The following DENND3 variants were observed in gnomAD, a reference collection of about 807,000 sequenced individuals.
DENND3 encodes the protein DENN domain-containing protein 3.
DENND3 carries 88 observed loss-of-function variants against 135.1 expected under a neutral mutation model. The observed-to-expected ratio is 0.65, with a 90% confidence interval of 0.55 to 0.78. The LOEUF is 0.78. Among genes scored for constraint, DENND3 ranks in the 30% least tolerant of loss-of-function variants. DENND3 has a pLI of 0.00. For missense variants in DENND3, 1,392 were observed against 1,688.4 expected, an observed-to-expected ratio of 0.82 and a Z score of 3.08; for synonymous variants, 693 against 712.3, an observed-to-expected ratio of 0.97 and a Z score of 0.43.
chr8:141,188,277 C>G (rs1380017256), intron 18 of DENND3: 1 of 152,214 alleles, frequency 6.6e-6, no homozygotes, highest in East Asian at 1.9e-4. Context: ...AGTCTAAAAG[C>G]AATCATTATG....
rs1820986534 is a variant in DENND3 at position 141,167,676 on chromosome 8, A to G, written c.1754-328A>G. On this transcript the variant is annotated intron_variant, in intron 12 of 22. Transcript: ENST00000519811. This position sits in a 1 kb window ranked among gnomAD's most constrained non-coding sequence, Gnocchi z 4.1. Reference sequence around the variant, plus strand: ...GGTTCTAAAGGGCTTCATCCTGCCTAGCAGGTACATCTTGGCTTAGGCTAT... The same window carrying G: ...GGTTCTAAAGGGCTTCATCCTGCCTGGCAGGTACATCTTGGCTTAGGCTAT... 6.6e-6 allele frequency among the ~76,000 whole-genome samples: 1 copy of G among 152,206 alleles called. No individual in the cohort carries two copies. Among genetic ancestry groups the G allele is most frequent in the South Asian group, 2.1e-4 (1 of 4,832 alleles).
intron 19 of DENND3, among the ~76,000 whole-genome samples, chr8:141,189,948 G>GGTCAT (rs1824474459): frequency 6.6e-6 from 1 of 152,158 alleles, no homozygotes; most frequent in African/African-American, 2.4e-5. Flanking sequence ...TTCAGTTCAT[G>GGTCAT]GTCATGTCAT....
intron 5 of DENND3, among the ~76,000 whole-genome samples, chr8:141,149,966 A>C (rs1818586217): frequency 6.6e-6 from 1 of 151,918 alleles, no homozygotes. Flanking sequence ...CTTGTTTGTG[A>C]CCTGTTTTCT....
In DENND3 at chr8:141,144,381, T is replaced by G; in HGVS notation, c.735+122T>G. 1 of 972,236 alleles carries G rather than the reference T, an allele frequency of 1.0e-6. No individual in the cohort carries two copies. The highest frequency in any genetic ancestry group is 1.4e-6 in the Non-Finnish European group (1 of 691,892). 60.2% of individuals were successfully genotyped at this position (972,236 alleles called of 1,614,324 possible). ...TAGCTGTTGTAAACCTAAAATAACA[T>G]CCTAACCCCCCCGCCTCCCCACAGC... On this transcript the variant is annotated intron_variant, in intron 5 of 22. Transcript: ENST00000519811. The surrounding 1 kb of genome is among the most constrained non-coding windows in gnomAD (Gnocchi z 4.4).
chr8:141,142,513 G>A (rs796732591), intron 4 of DENND3: 8 of 396,752 alleles, frequency 2.0e-5, no homozygotes, highest in African/African-American at 1.5e-4. Context: ...CAGCACTTTA[G>A]TGGTTTACTT....
rs1020547754 is a variant in DENND3, at chr8:141,139,067, G to T, written c.501+930G>T. Among the ~76,000 whole-genome samples the T allele has an allele frequency of 6.6e-6, 1 of 152,166 alleles. No individual in the cohort carries two copies. Among genetic ancestry groups the T allele is most frequent in the African/African-American group, 2.4e-5 (1 of 41,434 alleles). On this transcript the variant is annotated intron_variant, in intron 3 of 22. Transcript: ENST00000519811. The surrounding 1 kb of genome is among the most constrained non-coding windows in gnomAD (Gnocchi z 4.2). ...TCGTAGGGGAAACGATGTATCCAAA[G>T]GTGCAGGGTGACCTGCTGCACACGT...
chr8:141,128,660 G>C lies in DENND3; in HGVS notation c.-48G>C. ...TCCCCAGGGGTCTGCGGGCGACTGC[G>C]CGGCTGAGGCGCCCGAGTGCGGTAC... On this transcript the variant is annotated 5_prime_UTR_variant, in exon 1 of 23. Coordinates refer to ENST00000519811, the MANE Select transcript of DENND3 (RefSeq NM_001352890.3). The surrounding 1 kb of genome is among the most constrained non-coding windows in gnomAD (Gnocchi z 4.5). The C allele has an allele frequency of 8.1e-7, 1 of 1,240,808 alleles. No homozygotes were observed. The highest frequency in any genetic ancestry group is 1.0e-6 in the Non-Finnish European group (1 of 974,970). The allele number at this position is 1,240,808 out of a possible 1,614,324, so 76.9% of individuals were successfully genotyped here. A position where few individuals can be genotyped will look rare whatever the true frequency, so the allele number is the denominator to read the frequency against.
Position 141,138,242 on chromosome 8 carries a change from A to G in DENND3, c.501+105A>G. 4 of 1,219,416 alleles carry G rather than the reference A, an allele frequency of 3.3e-6. No homozygotes were observed. The highest frequency in any genetic ancestry group is 4.6e-4 in the Middle Eastern group (2 of 4,386). 75.5% of individuals were successfully genotyped at this position (1,219,416 alleles called of 1,614,324 possible). A position where few individuals can be genotyped will look rare whatever the true frequency, so the allele number is the denominator to read the frequency against. On this transcript the variant is annotated intron_variant, in intron 3 of 22. Transcript: ENST00000519811. The surrounding 1 kb of genome is among the most constrained non-coding windows in gnomAD (Gnocchi z 4.8). ...CCATTCTAACCATTTTAAAGTGTGC[A>G]GTTCCGTAACATTAAGTACATTCAC...
intron 6 of DENND3, 29 bp from the exon 7 acceptor site, chr8:141,151,590 G>A: frequency 6.4e-7 from 1 of 1,568,766 alleles, no homozygotes; most frequent in Non-Finnish European, 8.8e-7. Context: ...TTAAAAGCAT[G>A]TACTCAGTGC....
At chr8:141,132,009 G>A (rs1936853941) in intron 1 of DENND3, among the ~76,000 whole-genome samples, 1 of 152,130 alleles carries the variant, frequency 6.6e-6, no homozygotes, top group African/African-American at 2.4e-5. Flanking sequence ...GTGCAAGTGT[G>A]TGTCACCGCT....
rs182778707 is a variant in DENND3 at position 141,173,126 on chromosome 8, G to A, written c.2276-2074G>A. On this transcript the variant is annotated intron_variant, in intron 13 of 22. Coordinates refer to ENST00000519811, the MANE Select transcript of DENND3 (RefSeq NM_001352890.3). Reference sequence around the variant, plus strand: ...CAATCTTAGGTACAGAGTCAGGAGAGGACCCCCATGCTCTTCGCGACCTCA... The same window carrying A: ...CAATCTTAGGTACAGAGTCAGGAGAAGACCCCCATGCTCTTCGCGACCTCA... 1.7e-3 allele frequency among the ~76,000 whole-genome samples: 254 copies of A among 147,676 alleles called. 1 individual carries two copies. The highest frequency in any genetic ancestry group is 6.0e-3 in the African/African-American group (239 of 39,780).
chr8:141,176,420 G>A (rs1054523542), intron 14 of DENND3, among the ~76,000 whole-genome samples, 171 bp from the exon 15 acceptor site: 5 of 152,168 alleles, frequency 3.3e-5, no homozygotes, highest in Non-Finnish European at 7.3e-5. Flanking sequence ...CCTACCTGCC[G>A]TCCATGGGAA....
chr8:141,187,893 T>G (rs1824108483), intron 18 of DENND3, among the ~76,000 whole-genome samples: 1 of 152,230 alleles, frequency 6.6e-6, no homozygotes, highest in African/African-American at 2.4e-5. Flanking sequence ...TTCTTAGTTA[T>G]AAGCATTTCA....
chr8:141,157,559 C>CT (rs1819599086), intron 8 of DENND3: 6 of 985,758 alleles, frequency 6.1e-6, no homozygotes, highest in Non-Finnish European at 7.2e-6. Context: ...CTGGTGAAGC[C>CT]TGTGATGCAG....
At position 141,128,788 on chromosome 8, in the gene DENND3, C is replaced by A; in HGVS notation, c.81C>A (p.Asp27Glu). 1 of 1,457,010 alleles carries A rather than the reference C, an allele frequency of 6.9e-7. No homozygotes were observed. The highest frequency in any genetic ancestry group is 9.1e-7 in the Non-Finnish European group (1 of 1,104,360). The allele number at this position is 1,457,010 out of a possible 1,614,324, so 90.3% of individuals were successfully genotyped here. Residue 27 changes from aspartate (D) to glutamate (E), a missense_variant, in exon 1 of 23, where the codon GAC becomes GAA. Physicochemically the swap from Asp to Glu is conservative, Grantham distance 45. Transcript: ENST00000519811. The surrounding 1 kb of genome is among the most constrained non-coding windows in gnomAD (Gnocchi z 4.5). ...GCGCGCTGCTGGGCGCCCCCCGGGACAGTCTCCGAAGTCTCGAGCAGGTGA... is the reference window on the plus strand; with the variant it reads ...GCGCGCTGCTGGGCGCCCCCCGGGAAAGTCTCCGAAGTCTCGAGCAGGTGA... ...ELCALLGAPRDSLRSLEQVAY... is the reference protein window; with the variant it reads ...ELCALLGAPRESLRSLEQVAY...
intron 9 of DENND3, 80 bp downstream of exon 9, chr8:141,160,867 C>T (rs1490570752): frequency 2.6e-6 from 4 of 1,520,448 alleles, no homozygotes. Flanking sequence ...GCACCCCGCC[C>T]CAGAGGGCAG....
intron 17 of DENND3, 96 bp downstream of exon 17, chr8:141,180,950 C>A: frequency 2.1e-6 from 2 of 963,914 alleles, no homozygotes; most frequent in Non-Finnish European, 3.1e-6. Context: ...AAAGGGGAGC[C>A]AGTGTCACGG....
At chr8:141,178,813 C>T (rs916626316) in intron 16 of DENND3, among the ~76,000 whole-genome samples, 1 of 152,192 alleles carries the variant, frequency 6.6e-6, no homozygotes, top group Non-Finnish European at 1.5e-5. Context: ...TGCTGGACTC[C>T]CATTTTTTTC....
chr8:141,188,871 C>T (rs1351642771), intron 18 of DENND3, 115 bp from the exon 19 acceptor site: 3 of 1,400,028 alleles, frequency 2.1e-6, no homozygotes, highest in East Asian at 5.0e-5. Flanking sequence ...CGGCGTGTCC[C>T]CTAGGAGCAG....
Sources: allele counts gnomAD v4.1 joint callset (sites outside exome capture counted in the v4.1 genomes callset), GRCh38; gene constraint gnomAD v4.1.1; non-coding constraint Gnocchi (gnomAD v3.1); transcripts MANE v1.5; gene names NCBI Gene and HGNC (gene_info 2026-07-23, HGNC 2026-07-21).